The following SGCG variants were observed in gnomAD, a reference collection of about 807,000 sequenced individuals.
SGCG encodes the protein sarcoglycan gamma.
Under a neutral mutation model 29.3 loss-of-function variants are expected in SGCG, and 26 were observed. The ratio of observed to expected loss-of-function variants is 0.89; its 90% CI spans 0.65 to 1.23. The LOEUF is 1.23. SGCG is among the 50% of genes most tolerant of loss of function. SGCG has a pLI of 0.00. For missense variants in SGCG, 353 were observed against 356.0 expected (o/e 0.99, Z 0.07); for synonymous variants, 145 against 129.7 (o/e 1.12, Z -0.80).
rs748332364 is a variant in SGCG at position 23,324,418 on chromosome 13, G to A, written c.753G>A (p.Thr251=). The A allele has an allele frequency of 6.2e-6, 10 of 1,614,116 alleles. No individual in the cohort carries two copies. The Admixed American group carries it at 1.0e-4, about 16-fold the overall frequency. The part of the protein sequence containing the change: ...TVCLPKLVQG[T]WGPSGSSQSL... ...GCTTACCCAAGCTGGTGCAGGGGAC[G>A]TGGGGTCCCTCTGGCAGCTCACAGA... Residue 251 remains threonine (T), a synonymous_variant, in exon 8 of 8, where the codon ACG becomes ACA. Coordinates refer to ENST00000218867, the MANE Select transcript of SGCG (RefSeq NM_000231.3).
chr13:23,279,374 A>T lies in SGCG; in HGVS notation c.401A>T (p.Glu134Val), dbSNP rs1183481491. 6.2e-7 allele frequency: 1 copy of T among 1,613,194 alleles called. No individual in the cohort carries two copies. Among genetic ancestry groups the T allele is most frequent in the Non-Finnish European group, 8.5e-7 (1 of 1,179,404 alleles). Residue 134 changes from glutamate to valine, a missense_variant, in exon 5 of 8, where the codon GAA becomes GTA. Physicochemically the swap from Glu to Val is moderately radical, Grantham distance 121. Coordinates refer to ENST00000218867, the MANE Select transcript of SGCG (RefSeq NM_000231.3). ...GRLKVGPKMV[E>V]VQNQQFQINS... ...AATTCTTCAGGTCCCAAAATGGTAG[A>T]AGTCCAGAATCAACAGTTTCAGATC... is the stretch of plus-strand genomic sequence containing the variant.
intron 4 of SGCG, chr13:23,267,862 C>A (rs1009976678): frequency 1.3e-5 from 2 of 152,168 alleles, no homozygotes; most frequent in Non-Finnish European, 1.5e-5. Flanking sequence ...GGTGGCAACT[C>A]AGGATCTGAG....
rs756205136 is a variant in SGCG, at chr13:23,324,450, A to G, written c.785A>G (p.Tyr262Cys). Residue 262 changes from tyrosine (Y) to cysteine (C), a missense_variant, in exon 8 of 8, where the codon TAC (tyrosine) becomes TGC (cysteine). Transcript: ENST00000218867. Reference sequence around the variant, plus strand: ...CCCTCTGGCAGCTCACAGAGCCTCTACGAAATCTGTGTGTGTCCAGATGGG... The same window carrying G: ...CCCTCTGGCAGCTCACAGAGCCTCTGCGAAATCTGTGTGTGTCCAGATGGG... ...WGPSGSSQSLYEICVCPDGKL... is the reference protein window; with the variant it reads ...WGPSGSSQSLCEICVCPDGKL... 5.6e-6 allele frequency: 9 copies of G among 1,614,028 alleles called. No individual in the cohort carries two copies. The highest frequency in any genetic ancestry group is 2.2e-5 in the East Asian group (1 of 44,860).
intron 6 of SGCG, among the ~76,000 whole-genome samples, chr13:23,302,486 T>C (rs1882200159): frequency 6.6e-6 from 1 of 152,004 alleles, no homozygotes; most frequent in South Asian, 2.1e-4. Flanking sequence ...ATTGTATATT[T>C]TCAAATAACT....
rs773686157 is a variant in SGCG at position 23,227,924 on chromosome 13, G to A, written c.196-6687G>A. The stretch of plus-strand genomic sequence containing the variant: ...CTCCTGGGCTCAAGGGATCCTCCCC[G>A]CTCAGCCTCCAGAGTACCTGAGACT... On this transcript the variant is annotated intron_variant, in intron 2 of 7. Coordinates refer to ENST00000218867, the MANE Select transcript of SGCG (RefSeq NM_000231.3). 5.9e-4 allele frequency among the ~76,000 whole-genome samples: 89 copies of A among 152,078 alleles called. 1 individual carries two copies. Among genetic ancestry groups the A allele is most frequent in the Non-Finnish European group, 6.2e-4 (42 of 67,968 alleles).
At position 23,299,433 on chromosome 13, in the gene SGCG, TATATATATATATATATATATA is replaced by T. The variant is rs1312369639; in HGVS notation, c.578+3947_578+3967del. Among the ~76,000 whole-genome samples, 98 of 30,774 alleles carry T rather than the reference TATATATATATATATATATATA, an allele frequency of 3.2e-3. 3 individuals are homozygous for T. The highest frequency in any genetic ancestry group is 7.3e-3 in the African/African-American group (70 of 9,526). The allele number at this position is 30,774 out of a possible 152,430, so 20.2% of individuals were successfully genotyped here. A position where few individuals can be genotyped will look rare whatever the true frequency, so the allele number is the denominator to read the frequency against. Reference sequence around the variant, plus strand: ...ATATATATATATATATATATATATATATATATATATATATATATATATATTTTTTTTTTTTTTTTAGTCGGA... The same window carrying T: ...ATATATATATATATATATATATATATTATTTTTTTTTTTTTTTTAGTCGGA... On this transcript the variant is annotated intron_variant, in intron 6 of 7. Coordinates refer to ENST00000218867, the MANE Select transcript of SGCG (RefSeq NM_000231.3).
In SGCG at chr13:23,297,226, T is replaced by TTTTA. The variant is rs1173176378; in HGVS notation, c.578+1743_578+1746dup. On this transcript the variant is annotated intron_variant, in intron 6 of 7. Coordinates refer to ENST00000218867, the MANE Select transcript of SGCG (RefSeq NM_000231.3). ...ACTGAAAAGTCAAACACAGACAATC[T>TTTTA]TTTATTTTTTTTTTTTTTGAGATGG... is the stretch of plus-strand genomic sequence containing the variant. 1.3e-4 allele frequency among the ~76,000 whole-genome samples: 16 copies of TTTTA among 119,040 alleles called. No homozygotes were observed. In the East Asian group the frequency reaches 6.3e-3, roughly 47 times the overall value. The allele number at this position is 119,040 out of a possible 152,430, so 78.1% of individuals were successfully genotyped here.
chr13:23,265,539 C>T (rs1292498065), intron 4 of SGCG, among the ~76,000 whole-genome samples: 2 of 152,100 alleles, frequency 1.3e-5, no homozygotes, highest in Admixed American at 6.6e-5. Context: ...GATTGTGCCA[C>T]TGCACTCCAG....
intron 1 of SGCG, among the ~76,000 whole-genome samples, chr13:23,194,551 A>G (rs919159005): frequency 2.6e-5 from 4 of 152,054 alleles, no homozygotes; most frequent in African/African-American, 4.8e-5. Flanking sequence ...TGGCGGAGGG[A>G]TGAATGTTGG....
At chr13:23,268,781 C>G (rs1880742173) in intron 4 of SGCG, 1 of 152,106 alleles carries the variant, frequency 6.6e-6, no homozygotes, top group Non-Finnish European at 1.5e-5. Context: ...TCTACATGGC[C>G]CAACTGTATA....
At chr13:23,167,074 A>G in the SGCG span, among the ~76,000 whole-genome samples, 2 of 152,164 alleles carry the variant, frequency 1.3e-5, no homozygotes, top group Non-Finnish European at 2.9e-5. Context: ...GCCTTTGGTA[A>G]CCATCCTTCT....
intron 6 of SGCG, among the ~76,000 whole-genome samples, chr13:23,319,345 C>T (rs955802406): frequency 2.0e-5 from 3 of 151,818 alleles, no homozygotes; most frequent in Admixed American, 6.6e-5. Context: ...GCAGCCAGAC[C>T]ATGCACATGG....
At chr13:23,302,233 C>T (rs1479901198) in intron 6 of SGCG, among the ~76,000 whole-genome samples, 1 of 151,410 alleles carries the variant, frequency 6.6e-6, no homozygotes, top group Non-Finnish European at 1.5e-5. Flanking sequence ...TCATTGATCA[C>T]TCTATCCTAT....
chr13:23,219,599 T>A (rs1347332542), intron 2 of SGCG, among the ~76,000 whole-genome samples: 1 of 152,102 alleles, frequency 6.6e-6, no homozygotes, highest in Non-Finnish European at 1.5e-5. Context: ...TTGTATATTT[T>A]AAAATAGCTG....
chr13:23,202,433 A>G (rs1158055285), intron 1 of SGCG, among the ~76,000 whole-genome samples: 1 of 152,166 alleles, frequency 6.6e-6, no homozygotes. Context: ...TCAGATATAT[A>G]TGGAAGGTAG....
At chr13:23,278,704 G>A (rs1881185261) in intron 4 of SGCG, among the ~76,000 whole-genome samples, 1 of 152,166 alleles carries the variant, frequency 6.6e-6, no homozygotes, top group Non-Finnish European at 1.5e-5. Flanking sequence ...CAAAACACCT[G>A]CTGAATAGAT....
the SGCG span, among the ~76,000 whole-genome samples, chr13:23,165,358 G>C: frequency 6.6e-6 from 1 of 152,064 alleles, no homozygotes; most frequent in Non-Finnish European, 1.5e-5. Context: ...TTATATATGA[G>C]ATAAGGCAAA....
At chr13:23,213,352 C>T (rs1004752904) in intron 2 of SGCG, among the ~76,000 whole-genome samples, 1 of 152,054 alleles carries the variant, frequency 6.6e-6, no homozygotes, top group South Asian at 2.1e-4. Flanking sequence ...CGTGGTGGCA[C>T]GTGCCTGTGA....
intron 1 of SGCG, among the ~76,000 whole-genome samples, chr13:23,184,551 A>C (rs1323544534): frequency 2.0e-5 from 3 of 152,226 alleles, no homozygotes; most frequent in African/African-American, 7.2e-5. Context: ...CTCCTTTGTA[A>C]ATAACAGCAA....
Sources: gnomAD v4.1 joint callset for allele counts (sites outside exome capture counted in the v4.1 genomes callset) on GRCh38, gnomAD v4.1.1 for gene constraint, MANE v1.5 for transcripts, NCBI Gene and HGNC (gene_info 2026-07-23, HGNC 2026-07-21) for gene names.